The following DRC9 variants were observed in gnomAD, a reference collection of about 807,000 sequenced individuals.
DRC9 encodes dynein regulatory complex protein 9.
the DRC9 span, chr3:197,913,703 C>G: frequency 7.0e-6 from 5 of 713,256 alleles, no homozygotes; most frequent in East Asian, 1.2e-4. Context: ...ACTGGAATCT[C>G]TGCTTGCGAA....
the DRC9 span, chr3:197,956,179 C>G: frequency 1.3e-5 from 3 of 227,630 alleles, no homozygotes; most frequent in African/African-American, 7.4e-5. Context: ...CTTCAAACTC[C>G]TGGGCTCAAG....
At chr3:197,891,833 TG>T in the DRC9 span, among the ~76,000 whole-genome samples, 2 of 152,242 alleles carry the variant, frequency 1.3e-5, no homozygotes, top group South Asian at 2.1e-4. Flanking sequence ...TAATATGGAT[TG>T]TTTTTTAAAC....
At chr3:197,947,594 G>C in the DRC9 span, among the ~76,000 whole-genome samples, 64 of 152,206 alleles carry the variant, frequency 4.2e-4, 1 homozygote, top group Admixed American at 3.3e-3. Flanking sequence ...CCTTTTCACC[G>C]TGTAAAGTCC....
chr3:197,935,316 A>C, the DRC9 span, among the ~76,000 whole-genome samples: 2 of 151,872 alleles, frequency 1.3e-5, no homozygotes, highest in Admixed American at 6.6e-5. Context: ...GACGCACGCC[A>C]GTAATCCCAG....
the DRC9 span, chr3:197,953,523 C>T: frequency 2.2e-6 from 1 of 457,056 alleles, no homozygotes; most frequent in African/African-American, 2.0e-5. Context: ...AGTCTTTCTT[C>T]CGGCCAGGAC....
At chr3:197,954,021 C>T in the DRC9 span, 52 of 1,613,040 alleles carry the variant, frequency 3.2e-5, no homozygotes, top group South Asian at 5.5e-5. Flanking sequence ...TCACTCCTGG[C>T]GGCAAACCAA....
the DRC9 span, among the ~76,000 whole-genome samples, chr3:197,926,740 G>A: frequency 3.9e-5 from 6 of 152,218 alleles, no homozygotes; most frequent in East Asian, 5.8e-4. Context: ...GAGTCAGGGC[G>A]TCTCTGATGG....
the DRC9 span, among the ~76,000 whole-genome samples, chr3:197,921,182 C>A: frequency 1.6e-5 from 2 of 128,838 alleles, no homozygotes; most frequent in Non-Finnish European, 3.1e-5. Context: ...GTCGACCCGA[C>A]TACTGGTTTT....
the DRC9 span, among the ~76,000 whole-genome samples, chr3:197,901,898 G>C: frequency 3.2e-4 from 48 of 152,292 alleles, no homozygotes; most frequent in African/African-American, 1.2e-3. The surrounding 1 kb of genome is among the most constrained non-coding windows in gnomAD (Gnocchi z 4.4). Flanking sequence ...TGGTAGCCAG[G>C]TAGTGGTTAC....
the DRC9 span, chr3:197,957,920 AG>A: frequency 6.6e-6 from 1 of 152,296 alleles, no homozygotes; most frequent in Admixed American, 6.5e-5. Context: ...AGGAAATGGC[AG>A]GAAGATTTTA....
At chr3:197,918,098 CTTT>C in the DRC9 span, among the ~76,000 whole-genome samples, 10 of 129,578 alleles carry the variant, frequency 7.7e-5, no homozygotes, top group Admixed American at 1.6e-4. Flanking sequence ...GTCAGTGAAT[CTTT>C]TTTTTTTTTT....
the DRC9 span, among the ~76,000 whole-genome samples, chr3:197,931,644 G>A: frequency 0.039 from 5,919 of 151,390 alleles, 169 homozygotes; most frequent in African/African-American, 0.079. Context: ...GTCTTGCTCT[G>A]TCGCCCAGGC....
At chr3:197,950,793 T>C in the DRC9 span, 5 of 695,082 alleles carry the variant, frequency 7.2e-6, no homozygotes, top group Admixed American at 7.9e-5. Context: ...GCGTTTCATA[T>C]GGATGTTCTG....
the DRC9 span, among the ~76,000 whole-genome samples, chr3:197,906,908 A>G: frequency 6.6e-6 from 1 of 152,156 alleles, no homozygotes. Context: ...TTTCTGTTAT[A>G]CTTGAGTAGG....
the DRC9 span, among the ~76,000 whole-genome samples, chr3:197,919,769 G>A: frequency 6.6e-6 from 1 of 152,208 alleles, no homozygotes; most frequent in Admixed American, 6.5e-5. Context: ...GTTCCTGGAA[G>A]TTTGGAAGCT....
chr3:197,947,108 G>A, the DRC9 span, among the ~76,000 whole-genome samples: 1 of 152,210 alleles, frequency 6.6e-6, no homozygotes, highest in Non-Finnish European at 1.5e-5. Flanking sequence ...AAGGCGCCCA[G>A]GCGGATTTTA....
the DRC9 span, among the ~76,000 whole-genome samples, chr3:197,917,566 T>C: frequency 2.0e-5 from 3 of 152,312 alleles, no homozygotes; most frequent in African/African-American, 7.2e-5. Flanking sequence ...CTAAGCCTAT[T>C]TTCTCATCTG....
chr3:197,900,212 T>A, the DRC9 span, among the ~76,000 whole-genome samples: 2 of 152,290 alleles, frequency 1.3e-5, no homozygotes, highest in South Asian at 4.1e-4. The surrounding 1 kb of genome is among the most constrained non-coding windows in gnomAD (Gnocchi z 4.7). Flanking sequence ...ACTACGACCC[T>A]CTACAACCCT....
the DRC9 span, chr3:197,938,495 G>A: frequency 8.0e-6 from 11 of 1,381,314 alleles, no homozygotes; most frequent in South Asian, 1.2e-5. Flanking sequence ...GCGCCCCTTC[G>A]CTCATCTATG....
Sources: gnomAD v4.1 joint callset for allele counts (sites outside exome capture counted in the v4.1 genomes callset) on GRCh38, gnomAD v4.1.1 for gene constraint, Gnocchi (gnomAD v3.1) non-coding constraint, MANE v1.5 for transcripts, NCBI Gene and HGNC (gene_info 2026-07-23, HGNC 2026-07-21) for gene names.